Variants in ERC1 observed in about 807,000 individuals in gnomAD.
ERC1 encodes RAB6 interacting protein 2.
A neutral mutation model predicts 132.0 loss-of-function variants in ERC1; 56 were observed. That is an observed-to-expected ratio of 0.42 (90% CI 0.34 to 0.53). ERC1 has a LOEUF of 0.53. ERC1 is among the 20% of genes least tolerant of loss of function. The pLI, the probability that ERC1 is intolerant of heterozygous loss-of-function variation, is 0.03. For synonymous variants in ERC1, 478 were observed against 476.1 expected (o/e 1.00, Z -0.05); for missense variants, 1,202 against 1,349.9 (o/e 0.89, Z 1.72).
intron 16 of ERC1, among the ~76,000 whole-genome samples, chr12:1,373,606 C>T (rs752254352): frequency 6.6e-6 from 1 of 152,092 alleles, no homozygotes; most frequent in Admixed American, 6.5e-5. Flanking sequence ...ATGGTGAAAC[C>T]CCGTCTCCAC....
intron 15 of ERC1, among the ~76,000 whole-genome samples, chr12:1,305,208 A>G (rs2080789518): frequency 6.6e-6 from 1 of 152,134 alleles, no homozygotes; most frequent in Non-Finnish European, 1.5e-5. Context: ...GGGACTTAGT[A>G]CACTCACTCT....
intron 8 of ERC1, among the ~76,000 whole-genome samples, chr12:1,145,380 T>G (rs558798514): frequency 3.3e-5 from 5 of 150,932 alleles, no homozygotes; most frequent in African/African-American, 1.2e-4. Flanking sequence ...TGTCTATTCT[T>G]TTGAGAATTG....
intron 17 of ERC1, among the ~76,000 whole-genome samples, chr12:1,443,000 C>T (rs541228245): frequency 1.3e-4 from 20 of 150,856 alleles, no homozygotes; most frequent in African/African-American, 4.4e-4. Flanking sequence ...CTCCACCTCC[C>T]GGGTTCACAC....
intron 12 of ERC1, among the ~76,000 whole-genome samples, chr12:1,198,993 C>A: frequency 7.5e-5 from 8 of 106,992 alleles, no homozygotes; most frequent in African/African-American, 3.6e-4. Flanking sequence ...CCAGTCACTT[C>A]CCACCAGGCC....
intron 1 of ERC1, among the ~76,000 whole-genome samples, chr12:992,747 T>G (rs1959861915): frequency 6.6e-6 from 1 of 152,254 alleles, no homozygotes; most frequent in Non-Finnish European, 1.5e-5. Context: ...CAGTATTCTC[T>G]GGCCCTACTT....
At chr12:1,248,399 TG>T (rs1445815171) in intron 13 of ERC1, among the ~76,000 whole-genome samples, 1 of 152,050 alleles carries the variant, frequency 6.6e-6, no homozygotes, top group Admixed American at 6.5e-5. Flanking sequence ...TGATAGATGA[TG>T]GGGGAGGGAA....
chr12:1,384,396 G>A (rs192816755), intron 16 of ERC1, among the ~76,000 whole-genome samples: 1 of 152,242 alleles, frequency 6.6e-6, no homozygotes, highest in African/African-American at 2.4e-5. Flanking sequence ...GAAAATCTGT[G>A]TGCTCATAAC....
intron 14 of ERC1, among the ~76,000 whole-genome samples, chr12:1,277,053 G>A (rs1475039404): frequency 6.6e-6 from 1 of 152,154 alleles, no homozygotes; most frequent in Non-Finnish European, 1.5e-5. Flanking sequence ...TTTAAAGAAT[G>A]GTAGCCAGAG....
In ERC1 at chr12:1,028,016, CGGGA is replaced by C; in HGVS notation, c.119_122del (p.Gly40ValfsTer22). ...TTGGGTCACCGTCGAACCAACAGTA[CGGGA>C]GGGAGTTCGGGAAGCAGTGTTGGAG... On this transcript the variant is annotated frameshift_variant, in exon 2 of 19. Coordinates refer to ENST00000360905, the MANE Select transcript of ERC1 (RefSeq NM_178040.4). LOFTEE classifies it high-confidence loss of function. The C allele has an allele frequency of 6.2e-7, 1 of 1,614,084 alleles. No homozygotes were observed. The highest frequency in any genetic ancestry group is 8.5e-7 in the Non-Finnish European group (1 of 1,180,032).
At chr12:1,454,218 A>G (rs1458188671) in intron 18 of ERC1, among the ~76,000 whole-genome samples, 1 of 152,220 alleles carries the variant, frequency 6.6e-6, no homozygotes, top group Non-Finnish European at 1.5e-5. Flanking sequence ...GGAGGTGCCC[A>G]GAGAGGTCAC....
intron 17 of ERC1, among the ~76,000 whole-genome samples, chr12:1,442,495 A>C (rs1337776187): frequency 6.6e-6 from 1 of 152,126 alleles, no homozygotes; most frequent in Non-Finnish European, 1.5e-5. Flanking sequence ...ATCCTTAGAG[A>C]GAGAGAGAGA....
chr12:1,431,596 A>G (rs1482275989), intron 17 of ERC1, among the ~76,000 whole-genome samples: 2 of 152,102 alleles, frequency 1.3e-5, no homozygotes, highest in Non-Finnish European at 2.9e-5. Context: ...TTTTACATAG[A>G]TTTTACTAAT....
intron 15 of ERC1, among the ~76,000 whole-genome samples, chr12:1,363,615 T>A (rs1437811475): frequency 7.0e-6 from 1 of 142,722 alleles, no homozygotes; most frequent in African/African-American, 2.6e-5. Flanking sequence ...TGCAATGTGG[T>A]GCCATCACGG....
At position 1,234,983 on chromosome 12, in the gene ERC1, G is replaced by A. The variant is rs1320669557; in HGVS notation, c.2352-1786G>A. On this transcript the variant is annotated intron_variant, in intron 12 of 18. Transcript: ENST00000360905. ...AAGACAAAGTTAACGTCGTTTTAGG[G>A]GAATATCTTTATGAACTTTGATGGA... 2.6e-5 allele frequency among the ~76,000 whole-genome samples: 4 copies of A among 152,254 alleles called. No homozygotes were observed. In the South Asian group the frequency reaches 8.3e-4, roughly 32 times the overall value.
At chr12:1,224,394 T>G (rs2074393658) in intron 12 of ERC1, among the ~76,000 whole-genome samples, 1 of 152,172 alleles carries the variant, frequency 6.6e-6, no homozygotes, top group East Asian at 1.9e-4. Flanking sequence ...TTGATAGTCA[T>G]CCTTTAGCCT....
At chr12:1,250,222 T>C (rs1308118926) in intron 13 of ERC1, among the ~76,000 whole-genome samples, 1 of 152,242 alleles carries the variant, frequency 6.6e-6, no homozygotes, top group Non-Finnish European at 1.5e-5. Context: ...CTTCTACTTC[T>C]GCAGAATCTT....
intron 16 of ERC1, among the ~76,000 whole-genome samples, chr12:1,405,692 G>A (rs2091441676): frequency 6.6e-6 from 1 of 152,092 alleles, no homozygotes; most frequent in Non-Finnish European, 1.5e-5. Context: ...GACAGAGCAA[G>A]ACTCCATCTC....
chr12:1,095,693 A>G (rs1175628167), intron 3 of ERC1, among the ~76,000 whole-genome samples: 3 of 152,142 alleles, frequency 2.0e-5, no homozygotes, highest in African/African-American at 4.8e-5. Flanking sequence ...TAGTACTTCT[A>G]TTTCCAGTCT....
At chr12:1,279,948 C>A (rs1485926030) in intron 14 of ERC1, among the ~76,000 whole-genome samples, 1 of 152,142 alleles carries the variant, frequency 6.6e-6, no homozygotes, top group Non-Finnish European at 1.5e-5. Flanking sequence ...CCCTCCTCAG[C>A]CTCCCAAAGT....
Sources: gnomAD v4.1 joint callset for allele counts (sites outside exome capture counted in the v4.1 genomes callset) on GRCh38, gnomAD v4.1.1 for gene constraint, MANE v1.5 for transcripts, NCBI Gene and HGNC (gene_info 2026-07-23, HGNC 2026-07-21) for gene names.